The following STK31 variants were observed in gnomAD, a reference collection of about 807,000 sequenced individuals.
STK31 encodes serine/threonine kinase 31.
Under a neutral mutation model 129.7 loss-of-function variants are expected in STK31, and 89 were observed. The ratio of observed to expected loss-of-function variants is 0.69; its 90% CI spans 0.58 to 0.82. The LOEUF (loss-of-function observed/expected upper bound fraction) is 0.82. STK31 is among the 40% of genes least tolerant of loss of function. STK31 has a pLI of 0.00. For missense variants in STK31, 1,187 were observed against 1,176.4 expected (o/e 1.01, Z -0.13); for synonymous variants, 448 against 395.3 (o/e 1.13, Z -1.58).
chr7:23,743,145 G>T (rs377341078), intron 8 of STK31, among the ~76,000 whole-genome samples: 14 of 149,180 alleles, frequency 9.4e-5, no homozygotes, highest in African/African-American at 2.9e-4. Context: ...GTAGAAACGG[G>T]GTTTCACCAT....
chr7:23,831,784 C>T (rs535565619), intron 23 of STK31, among the ~76,000 whole-genome samples: 1 of 152,308 alleles, frequency 6.6e-6, no homozygotes, highest in South Asian at 2.1e-4. Context: ...TGTTCTTTCA[C>T]TTCCAAGTAT....
Position 23,786,609 on chromosome 7 carries a change from A to G in STK31, c.2376A>G (p.Pro792=). ...CTGAAGGAGACTCAGGGTTACTGCC[A>G]TTGATATTCCTGTTTTTATGTAAGG... ...REAEGDSGLL[P]LIFLFLCKSD... is the part of the protein sequence containing the mutation. Residue 792 remains proline, a synonymous_variant, in exon 19 of 24, where the codon CCA becomes CCG. Coordinates refer to ENST00000355870, the MANE Select transcript of STK31 (RefSeq NM_031414.5). 6.2e-7 allele frequency: 1 copy of G among 1,613,416 alleles called. No homozygotes were observed. The highest frequency in any genetic ancestry group is 8.5e-7 in the Non-Finnish European group (1 of 1,179,740).
chr7:23,723,466 G>A (rs1222936376), intron 4 of STK31, among the ~76,000 whole-genome samples: 2 of 151,998 alleles, frequency 1.3e-5, no homozygotes, highest in African/African-American at 4.8e-5. Flanking sequence ...ACCTATGACT[G>A]TGTTTAATAT....
At chr7:23,830,574 C>T (rs12533328) in intron 23 of STK31, among the ~76,000 whole-genome samples, 9,359 of 144,656 alleles carry the variant, frequency 0.065, 358 homozygotes, top group Non-Finnish European at 0.093. Flanking sequence ...TTCAGCAGCA[C>T]GTTGTTTAAT....
intron 22 of STK31, among the ~76,000 whole-genome samples, chr7:23,814,059 A>G (rs888581396): frequency 1.3e-5 from 2 of 150,522 alleles, no homozygotes; most frequent in Admixed American, 6.7e-5. Context: ...GTTGATGGCA[A>G]TCCTATTAAA....
intron 6 of STK31, among the ~76,000 whole-genome samples, chr7:23,735,097 T>A (rs1196640569): frequency 6.6e-6 from 1 of 152,236 alleles, no homozygotes; most frequent in African/African-American, 2.4e-5. Context: ...CTTCTGCTCG[T>A]CTTACTTTAA....
chr7:23,794,325 C>T (rs963232084), intron 22 of STK31, among the ~76,000 whole-genome samples: 3 of 152,196 alleles, frequency 2.0e-5, no homozygotes, highest in African/African-American at 7.2e-5. Context: ...TTGCTGCCCC[C>T]ATGTGAAGAA....
chr7:23,810,731 G>GATATATATAAAATAC (rs1793054821), intron 22 of STK31, among the ~76,000 whole-genome samples: 1 of 63,646 alleles, frequency 1.6e-5, no homozygotes, highest in Non-Finnish European at 3.6e-5. Flanking sequence ...ATATAAAATA[G>GATATATATAAAATAC]ATATATATAA....
At chr7:23,747,169 G>A (rs1435939796) in intron 8 of STK31, among the ~76,000 whole-genome samples, 1 of 152,052 alleles carries the variant, frequency 6.6e-6, no homozygotes, top group Non-Finnish European at 1.5e-5. Context: ...TTCAGTATTA[G>A]GGTGATGCTG....
At chr7:23,728,985 T>A in intron 5 of STK31, 106 bp from the exon 6 acceptor site, 1 of 953,258 alleles carries the variant, frequency 1.0e-6, no homozygotes, top group South Asian at 3.1e-5. Flanking sequence ...GAGGTAAGAA[T>A]GCTATTTTGA....
chr7:23,717,451 T>C, intron 3 of STK31, 30 bp from the exon 4 acceptor site: 3 of 1,427,964 alleles, frequency 2.1e-6, no homozygotes, highest in Admixed American at 3.5e-5. Flanking sequence ...AATATTTTAC[T>C]GTATCTTATA....
intron 23 of STK31, 130 bp from the exon 24 acceptor site, chr7:23,832,006 G>C: frequency 1.5e-6 from 1 of 645,904 alleles, no homozygotes; most frequent in Non-Finnish European, 2.7e-6. Context: ...GGGAGTACCA[G>C]ATACCTCGTC....
intron 22 of STK31, among the ~76,000 whole-genome samples, chr7:23,792,991 C>T (rs75444706): frequency 0.099 from 15,071 of 152,246 alleles, 1,074 homozygotes; most frequent in African/African-American, 0.2. Context: ...CACTGCACTC[C>T]AGCCTAGGCT....
intron 15 of STK31, among the ~76,000 whole-genome samples, chr7:23,775,746 T>C (rs1382180603): frequency 2.0e-5 from 3 of 152,216 alleles, no homozygotes; most frequent in Non-Finnish European, 4.4e-5. Flanking sequence ...CGATGGGGTT[T>C]TCTAAATATA....
chr7:23,808,236 C>G (rs755108495), intron 22 of STK31, among the ~76,000 whole-genome samples: 1 of 151,202 alleles, frequency 6.6e-6, no homozygotes, highest in African/African-American at 2.4e-5. Flanking sequence ...ATATGTAGTT[C>G]CCCACTGGGC....
chr7:23,767,317 G>T (rs1461059525), intron 11 of STK31, among the ~76,000 whole-genome samples: 1 of 152,062 alleles, frequency 6.6e-6, no homozygotes, highest in Non-Finnish European at 1.5e-5. Flanking sequence ...AGCTACCTTA[G>T]TTCTTTGCTG....
chr7:23,753,813 T>C (rs779082908), intron 9 of STK31, among the ~76,000 whole-genome samples: 1 of 152,204 alleles, frequency 6.6e-6, no homozygotes, highest in Admixed American at 6.5e-5. Flanking sequence ...GTGTTTAATA[T>C]TAGAAATGTT....
chr7:23,730,878 A>ATATATATATATATATATATATATTT, intron 6 of STK31, among the ~76,000 whole-genome samples: 20 of 59,534 alleles, frequency 3.4e-4, no homozygotes, highest in Admixed American at 8.2e-4. Context: ...ATATATATAT[A>ATATATATATATATATATATATATTT]TTTTTTTTTT....
At chr7:23,830,193 T>C (rs1180334167) in intron 23 of STK31, among the ~76,000 whole-genome samples, 1 of 152,212 alleles carries the variant, frequency 6.6e-6, no homozygotes, top group African/African-American at 2.4e-5. Flanking sequence ...TGCAGCTTTT[T>C]TAAAGTTTTA....
Sources: allele counts gnomAD v4.1 joint callset (sites outside exome capture counted in the v4.1 genomes callset), GRCh38; gene constraint gnomAD v4.1.1; transcripts MANE v1.5; gene names NCBI Gene and HGNC (gene_info 2026-07-23, HGNC 2026-07-21).